The following RPTOR variants were observed in gnomAD, a reference collection of about 807,000 sequenced individuals.
RPTOR encodes regulatory associated protein of MTOR complex 1.
A neutral mutation model predicts 169.9 loss-of-function variants in RPTOR; 21 were observed. That is an observed-to-expected ratio of 0.12 (90% CI 0.09 to 0.18). The LOEUF (loss-of-function observed/expected upper bound fraction) is 0.18. Ranked by LOEUF, RPTOR falls within the 10% of genes least tolerant of loss-of-function variation. The pLI is 1.00. For synonymous variants in RPTOR, 732 were observed against 753.2 expected, an observed-to-expected ratio of 0.97 and a Z score of 0.46; for missense variants, 1,133 against 1,855.9, an observed-to-expected ratio of 0.61 and a Z score of 7.16.
In RPTOR at chr17:80,609,832, T is replaced by G. The variant is rs993245336; in HGVS notation, c.163-15859T>G. On this transcript the variant is annotated intron_variant, in intron 1 of 33. Coordinates refer to ENST00000306801, the MANE Select transcript of RPTOR (RefSeq NM_020761.3). The surrounding 1 kb of genome is among the most constrained non-coding windows in gnomAD (Gnocchi z 4.8). ...GTTAAGAGAGCCATTGTAGGCTACATGCATGTGGTAATAGACTTTAAAGGG... is the reference window on the plus strand; with the variant it reads ...GTTAAGAGAGCCATTGTAGGCTACAGGCATGTGGTAATAGACTTTAAAGGG... Among the ~76,000 whole-genome samples, 2 of 151,172 alleles carry G rather than the reference T, an allele frequency of 1.3e-5. No individual in the cohort carries two copies. The highest frequency in any genetic ancestry group is 4.9e-5 in the African/African-American group (2 of 41,116).
chr17:80,616,866 C>T (rs376338340), intron 1 of RPTOR, among the ~76,000 whole-genome samples: 3 of 152,174 alleles, frequency 2.0e-5, no homozygotes, highest in Admixed American at 6.5e-5. Flanking sequence ...AAACACGACT[C>T]GATCTCTTAA....
At chr17:80,691,972 C>T (rs770070690) in intron 3 of RPTOR, among the ~76,000 whole-genome samples, 3 of 152,222 alleles carry the variant, frequency 2.0e-5, no homozygotes, top group Non-Finnish European at 4.4e-5. Flanking sequence ...TATCCTGCAC[C>T]ACACCTGGCA....
intron 1 of RPTOR, among the ~76,000 whole-genome samples, chr17:80,599,818 C>T (rs1195441402): frequency 2.0e-5 from 3 of 152,062 alleles, no homozygotes; most frequent in African/African-American, 7.2e-5. Flanking sequence ...TGGTGGGAAG[C>T]CTGGTGTCAT....
In RPTOR at chr17:80,545,621, C is replaced by G; in HGVS notation, c.-9C>G. The stretch of plus-strand genomic sequence containing the variant: ...GCTGCCAAGGACTCCCCCACCCCCT[C>G]CCCCACTGATGGAGTCCGAAATGCT... On this transcript the variant is annotated 5_prime_UTR_variant, in exon 1 of 34. Coordinates refer to ENST00000306801, the MANE Select transcript of RPTOR (RefSeq NM_020761.3). The G allele has an allele frequency of 6.2e-7, 1 of 1,604,896 alleles. No homozygotes were observed. Among genetic ancestry groups the G allele is most frequent in the Non-Finnish European group, 8.5e-7 (1 of 1,175,310 alleles).
chr17:80,580,023 A>G (rs2065001065), intron 1 of RPTOR, among the ~76,000 whole-genome samples: 1 of 152,202 alleles, frequency 6.6e-6, no homozygotes, highest in South Asian at 2.1e-4. Flanking sequence ...ACTACTTAGA[A>G]AAGAAAGGGC....
At chr17:80,648,196 G>T (rs1415148629) in intron 3 of RPTOR, among the ~76,000 whole-genome samples, 1 of 152,096 alleles carries the variant, frequency 6.6e-6, no homozygotes, top group African/African-American at 2.4e-5. Flanking sequence ...GTGCTTTTAT[G>T]AGATGCTTTG....
chr17:80,797,494 T>G (rs1460088165), intron 7 of RPTOR, among the ~76,000 whole-genome samples: 1 of 152,224 alleles, frequency 6.6e-6, no homozygotes, highest in Admixed American at 6.5e-5. Context: ...GAGTTACTTT[T>G]TAAATAAGTG....
intron 1 of RPTOR, among the ~76,000 whole-genome samples, chr17:80,561,263 G>GTATATATATATATATATATATATA (rs1555713889): frequency 1.5e-3 from 29 of 19,614 alleles, no homozygotes; most frequent in African/African-American, 2.4e-3. Flanking sequence ...ATATATATAT[G>GTATATATATATATATATATATATA]TATATATATA....
intron 20 of RPTOR, among the ~76,000 whole-genome samples, chr17:80,896,911 G>C (rs7223865): frequency 9.9e-5 from 15 of 152,066 alleles, no homozygotes; most frequent in Non-Finnish European, 1.8e-4. Context: ...TTACCTTTCA[G>C]TTTTTGTAAT....
chr17:80,648,901 C>T (rs1052094191), intron 3 of RPTOR, among the ~76,000 whole-genome samples: 9 of 152,188 alleles, frequency 5.9e-5, no homozygotes, highest in South Asian at 2.1e-4. Flanking sequence ...CGTCCCTGCA[C>T]GAGCTCTCTC....
Position 80,708,793 on chromosome 17 carries a change from G to C in RPTOR, c.507+794G>C. ...CGTGATGCATGAAAAGCAGTTCTTG[G>C]AGGGTGCGGTGGCCCCATATGTGCC... On this transcript the variant is annotated intron_variant, in intron 4 of 33. Coordinates refer to ENST00000306801, the MANE Select transcript of RPTOR (RefSeq NM_020761.3). This position sits in a 1 kb window ranked among gnomAD's most constrained non-coding sequence, Gnocchi z 4.2. 3.8e-6 allele frequency: 1 copy of C among 265,610 alleles called. No homozygotes were observed. Among genetic ancestry groups the C allele is most frequent in the Non-Finnish European group, 5.8e-6 (1 of 171,660 alleles). The allele number at this position is 265,610 out of a possible 1,614,324, so 16.5% of individuals were successfully genotyped here.
At chr17:80,905,027 C>T (rs2068523144) in intron 20 of RPTOR, among the ~76,000 whole-genome samples, 1 of 151,996 alleles carries the variant, frequency 6.6e-6, no homozygotes, top group Non-Finnish European at 1.5e-5. Context: ...GTGGGGGACT[C>T]AAGGGCCCAG....
At chr17:80,675,019 G>A (rs961002185) in intron 3 of RPTOR, among the ~76,000 whole-genome samples, 12 of 152,178 alleles carry the variant, frequency 7.9e-5, no homozygotes, top group African/African-American at 2.4e-4. Context: ...CAGGAGACAC[G>A]CTGTGAGAAG....
chr17:80,738,001 C>T (rs1871042539), intron 5 of RPTOR, among the ~76,000 whole-genome samples: 1 of 148,866 alleles, frequency 6.7e-6, no homozygotes, highest in Admixed American at 6.6e-5. Context: ...AATGAAGCCA[C>T]TGTGAGAGGT....
At position 80,845,420 on chromosome 17, in the gene RPTOR, C is replaced by G. The variant is rs2067717758; in HGVS notation, c.1213-1053C>G. 6.6e-6 allele frequency among the ~76,000 whole-genome samples: 1 copy of G among 152,178 alleles called. No homozygotes were observed. The highest frequency in any genetic ancestry group is 6.5e-5 in the Admixed American group (1 of 15,282). ...CACCCCAGAGAGTACCCTCGTTTCCCATTTCACTGAGGAAACAAGAAGCAG... is the reference window on the plus strand; with the variant it reads ...CACCCCAGAGAGTACCCTCGTTTCCGATTTCACTGAGGAAACAAGAAGCAG... On this transcript the variant is annotated intron_variant, in intron 10 of 33. Coordinates refer to ENST00000306801, the MANE Select transcript of RPTOR (RefSeq NM_020761.3). The surrounding 1 kb of genome is among the most constrained non-coding windows in gnomAD (Gnocchi z 5.4).
Position 80,609,172 on chromosome 17 carries a change from C to A in RPTOR, c.163-16519C>A, listed in dbSNP as rs889825694. 1.3e-5 allele frequency among the ~76,000 whole-genome samples: 2 copies of A among 152,178 alleles called. No individual in the cohort carries two copies. Among genetic ancestry groups the A allele is most frequent in the Non-Finnish European group, 2.9e-5 (2 of 68,032 alleles). On this transcript the variant is annotated intron_variant, in intron 1 of 33. Transcript: ENST00000306801. The surrounding 1 kb of genome is among the most constrained non-coding windows in gnomAD (Gnocchi z 4.8). Reference sequence around the variant, plus strand: ...CTCGGGCTGCAGGGGGCGGGGAGCACATGCGGCGTGCAGACCTTTCCTTAG... The same window carrying A: ...CTCGGGCTGCAGGGGGCGGGGAGCAAATGCGGCGTGCAGACCTTTCCTTAG...
chr17:80,665,788 G>A (rs764135261), intron 3 of RPTOR, among the ~76,000 whole-genome samples: 6 of 151,974 alleles, frequency 3.9e-5, no homozygotes, highest in Non-Finnish European at 8.8e-5. Flanking sequence ...CTCGTGATCC[G>A]CCCACTTTGG....
At chr17:80,812,017 G>A (rs1235455116) in intron 7 of RPTOR, among the ~76,000 whole-genome samples, 3 of 152,206 alleles carry the variant, frequency 2.0e-5, no homozygotes, top group Non-Finnish European at 4.4e-5. Flanking sequence ...TGTACCCACG[G>A]GACACAGCCA....
chr17:80,859,395 T>A (rs2067892388), intron 13 of RPTOR, among the ~76,000 whole-genome samples: 2 of 152,194 alleles, frequency 1.3e-5, no homozygotes, highest in South Asian at 4.1e-4. Context: ...TTGGGGGATA[T>A]GTTGCCCTCT....
Sources: gnomAD v4.1 joint callset for allele counts (sites outside exome capture counted in the v4.1 genomes callset) on GRCh38, gnomAD v4.1.1 for gene constraint, Gnocchi (gnomAD v3.1) non-coding constraint, MANE v1.5 for transcripts, NCBI Gene and HGNC (gene_info 2026-07-23, HGNC 2026-07-21) for gene names.